EFCAB7: variants seen among roughly 807,000 people sequenced by gnomAD.
EFCAB7 encodes the protein EF-hand calcium-binding domain-containing protein 7.
A neutral mutation model predicts 77.1 loss-of-function variants in EFCAB7; 66 were observed. The observed-to-expected ratio is 0.86, with a 90% CI of 0.70 to 1.05. The LOEUF is 1.05. Among genes scored for constraint, EFCAB7 ranks in the 50% least tolerant of loss-of-function variants. The probability of loss-of-function intolerance (pLI) is 0.00; values close to 1 mark genes in which losing one functional copy is unlikely to be tolerated. For synonymous variants in EFCAB7, 225 were observed against 243.3 expected, an observed-to-expected ratio of 0.92 and a Z score of 0.70; for missense variants, 638 against 730.5, an observed-to-expected ratio of 0.87 and a Z score of 1.46.
downstream of EFCAB7, among the ~76,000 whole-genome samples, chr1:63,576,455 G>A (rs217462): frequency 0.35 from 52,969 of 151,710 alleles, 9,399 homozygotes; most frequent in East Asian, 0.48. Context: ...ATTCCAGCCC[G>A]GGCGACATGA....
chr1:63,582,898 C>T, the EFCAB7 span, among the ~76,000 whole-genome samples: 14 of 152,162 alleles, frequency 9.2e-5, no homozygotes, highest in Non-Finnish European at 2.1e-4. Context: ...AGCCACCGCA[C>T]CCAGCCATGC....
intron 2 of EFCAB7, chr1:63,529,616 G>A (rs1163127143): frequency 2.0e-5 from 3 of 151,966 alleles, no homozygotes. Flanking sequence ...GGGAGGCTGA[G>A]GCAGGAGAAT....
At chr1:63,564,615 C>T (rs1281315032) in intron 11 of EFCAB7, among the ~76,000 whole-genome samples, 1 of 152,196 alleles carries the variant, frequency 6.6e-6, no homozygotes. Flanking sequence ...GAATCAATAT[C>T]GTTAAAATGG....
At chr1:63,576,998 TC>T (rs1294682663), downstream of EFCAB7, among the ~76,000 whole-genome samples, 5 of 150,926 alleles carry the variant, frequency 3.3e-5, no homozygotes, top group Admixed American at 2.0e-4. Flanking sequence ...AATACAAAAA[TC>T]AGCCAGGTGT....
chr1:63,528,136 C>A (rs1238181306), intron 2 of EFCAB7, among the ~76,000 whole-genome samples: 1 of 152,120 alleles, frequency 6.6e-6, no homozygotes, highest in Non-Finnish European at 1.5e-5. Context: ...ATGTTTACTG[C>A]AGCACTATTC....
downstream of EFCAB7, among the ~76,000 whole-genome samples, chr1:63,573,120 A>G (rs558192648): frequency 1.3e-5 from 2 of 152,110 alleles, no homozygotes; most frequent in Non-Finnish European, 2.9e-5. Context: ...TCTTATATTA[A>G]TAAGAAAAAT....
At chr1:63,559,296 T>C (rs1260922494) in intron 10 of EFCAB7, among the ~76,000 whole-genome samples, 2 of 95,546 alleles carry the variant, frequency 2.1e-5, no homozygotes, top group African/African-American at 4.7e-5. Flanking sequence ...AGTGAGACTC[T>C]GTCTCAAAAA....
chr1:63,555,407 C>T lies in EFCAB7; in HGVS notation c.1106C>T (p.Pro369Leu). The change falls in exon 9 of 14, where the codon CCT becomes CTT. Residue 369 changes from proline (P) to leucine (L), a missense_variant. Coordinates refer to ENST00000371088, the MANE Select transcript of EFCAB7 (RefSeq NM_032437.4). ...GGACCTGGAATTTACTGGTTAATTCCTTCCACAACTGGCTGTAGGCTGAGG... is the reference window on the plus strand; with the variant it reads ...GGACCTGGAATTTACTGGTTAATTCTTTCCACAACTGGCTGTAGGCTGAGG... ...ELGPGIYWLI[P>L]STTGCRLRKK... 1 of 1,613,630 alleles carries T rather than the reference C, an allele frequency of 6.2e-7. No homozygotes were observed.
intron 11 of EFCAB7, among the ~76,000 whole-genome samples, chr1:63,565,414 C>A (rs2100924667): frequency 6.6e-6 from 1 of 151,490 alleles, no homozygotes; most frequent in East Asian, 1.9e-4. Context: ...AAATGTAAAA[C>A]CCAAAAGTGT....
intron 6 of EFCAB7, among the ~76,000 whole-genome samples, chr1:63,544,025 A>C (rs1227231867): frequency 7.6e-6 from 1 of 130,822 alleles, no homozygotes; most frequent in African/African-American, 3.0e-5. Flanking sequence ...GCTGGAGTGT[A>C]GTGGCATGAT....
chr1:63,543,803 G>T (rs217448), intron 6 of EFCAB7, among the ~76,000 whole-genome samples: 115,218 of 151,986 alleles, frequency 0.76, 44,278 homozygotes, highest in African/African-American at 0.87. Flanking sequence ...ATTTAAATAT[G>T]CTTACTTACA....
intron 8 of EFCAB7, among the ~76,000 whole-genome samples, chr1:63,554,086 G>A (rs962726946): frequency 6.6e-6 from 1 of 152,184 alleles, no homozygotes; most frequent in Admixed American, 6.6e-5. Flanking sequence ...GCTTCCCAAA[G>A]TGCTGGGATG....
Position 63,531,975 on chromosome 1 carries a change from G to A in EFCAB7, c.343G>A (p.Asp115Asn), listed in dbSNP as rs761706391. ...ACTACTAAAATCATTTAAGCAATTA[G>A]ATGTAAATGATGATGGCTGTATTTT... The part of the protein sequence containing the change: ...AELLKSFKQL[D>N]VNDDGCILHT... The change falls in exon 3 of 14, where the codon GAT becomes AAT. Residue 115 changes from aspartate to asparagine, a missense_variant. Transcript: ENST00000371088. 1 of 1,612,368 alleles carries A rather than the reference G, an allele frequency of 6.2e-7. No homozygotes were observed. The highest frequency in any genetic ancestry group is 1.1e-5 in the South Asian group (1 of 90,916).
intron 6 of EFCAB7, among the ~76,000 whole-genome samples, chr1:63,545,434 T>C (rs139161549): frequency 3.9e-5 from 6 of 152,282 alleles, no homozygotes; most frequent in African/African-American, 1.4e-4. Context: ...CATGTATAAT[T>C]ATCTTTTTGT....
rs1318784094 is a variant in EFCAB7, at chr1:63,523,581, G to T, written c.-55G>T. ...TCTGTCCAGCTGCGGTGAGAGGAAC[G>T]CTGAATCGCCGAAGAGAATTGGCTG... On this transcript the variant is annotated 5_prime_UTR_variant, in exon 1 of 14. Coordinates refer to ENST00000371088, the MANE Select transcript of EFCAB7 (RefSeq NM_032437.4). 5.5e-6 allele frequency: 1 copy of T among 182,634 alleles called. No individual in the cohort carries two copies. The highest frequency in any genetic ancestry group is 1.2e-5 in the Non-Finnish European group (1 of 84,506). 11.3% of individuals were successfully genotyped at this position (182,634 alleles called of 1,614,324 possible). A position where few individuals can be genotyped will look rare whatever the true frequency, so the allele number is the denominator to read the frequency against.
At chr1:63,562,436 C>A in intron 11 of EFCAB7, among the ~76,000 whole-genome samples, 2 of 94,530 alleles carry the variant, frequency 2.1e-5, no homozygotes, top group African/African-American at 4.2e-5. Context: ...AAAATTAGGC[C>A]TTCTTAATTT....
At chr1:63,585,037 G>T in the EFCAB7 span, among the ~76,000 whole-genome samples, 6 of 152,074 alleles carry the variant, frequency 3.9e-5, no homozygotes, top group Admixed American at 1.3e-4. Context: ...AAGATGAGTT[G>T]GGAATGCTTT....
chr1:63,531,637 A>G (rs1646697110), intron 2 of EFCAB7, among the ~76,000 whole-genome samples, 183 bp from the exon 3 acceptor site: 1 of 152,138 alleles, frequency 6.6e-6, no homozygotes, highest in Admixed American at 6.5e-5. Context: ...TGGCATAAAT[A>G]TTTTTGTTTT....
intron 8 of EFCAB7, among the ~76,000 whole-genome samples, chr1:63,552,860 T>A (rs1646982986): frequency 6.6e-6 from 1 of 152,206 alleles, no homozygotes; most frequent in Non-Finnish European, 1.5e-5. Flanking sequence ...TAAAATTGGC[T>A]GAAGTTAATG....
Sources: allele counts gnomAD v4.1 joint callset (sites outside exome capture counted in the v4.1 genomes callset), GRCh38; gene constraint gnomAD v4.1.1; transcripts MANE v1.5; gene names NCBI Gene and HGNC (gene_info 2026-07-23, HGNC 2026-07-21).